The following BICDL1 variants were observed in gnomAD, a reference collection of about 807,000 sequenced individuals.
BICDL1 encodes the protein BICD family like cargo adaptor 1.
BICDL1 carries 20 observed loss-of-function variants against 76.8 expected under a neutral mutation model. The ratio of observed to expected loss-of-function variants is 0.26; its 90% CI spans 0.18 to 0.38. The LOEUF (loss-of-function observed/expected upper bound fraction) is 0.38, where lower values mean the gene tolerates loss of function less well. BICDL1 is among the 10% of genes least tolerant of loss of function. The pLI, the probability that BICDL1 is intolerant of heterozygous loss-of-function variation, is 1.00. For missense variants in BICDL1, 700 were observed against 798.6 expected (o/e 0.88, Z 1.49); for synonymous variants, 383 against 337.1 (o/e 1.14, Z -1.49).
rs1278874013 is a variant in BICDL1 at position 119,989,487 on chromosome 12, G to A, written c.-382G>A. Reference sequence around the variant, plus strand: ...GGCAGCAGCAGCAGCAGCGGCAGCGGCAACAGGGCGGCTGAGAACCCGGCG... The same window carrying A: ...GGCAGCAGCAGCAGCAGCGGCAGCGACAACAGGGCGGCTGAGAACCCGGCG... On this transcript the variant is annotated 5_prime_UTR_variant, in exon 1 of 10. Transcript: ENST00000548673. Among the ~76,000 whole-genome samples, 1 of 150,534 alleles carries A rather than the reference G, an allele frequency of 6.6e-6. No individual in the cohort carries two copies. Among genetic ancestry groups the A allele is most frequent in the Non-Finnish European group, 1.5e-5 (1 of 67,352 alleles).
rs369797977 is a variant in BICDL1, at chr12:120,017,110, A to G, written c.645+18374A>G. ...ACAGGGTTTCACTGTGTTAGCCAGG[A>G]TGGTCTAGATCTCCTGACCTTGTGA... On this transcript the variant is annotated intron_variant, in intron 2 of 9. Coordinates refer to ENST00000548673, the MANE Select transcript of BICDL1 (RefSeq NM_001367886.1). Among the ~76,000 whole-genome samples the G allele has an allele frequency of 3.6e-4, 55 of 152,202 alleles. 1 individual carries two copies. The South Asian group carries it at 0.011, about 30-fold the overall frequency.
rs113688527 is a variant in BICDL1 at position 120,047,490 on chromosome 12, C to T, written c.646-14220C>T. Among the ~76,000 whole-genome samples, 145 of 152,254 alleles carry T rather than the reference C, an allele frequency of 9.5e-4. 1 individual carries two copies. Among genetic ancestry groups the T allele is most frequent in the African/African-American group, 3.4e-3 (141 of 41,542 alleles). ...TCACCTGCAAAATTAGGGTTTTGAACCAGATTATCTCTGAAGTTTCAACTC... is the reference window on the plus strand; with the variant it reads ...TCACCTGCAAAATTAGGGTTTTGAATCAGATTATCTCTGAAGTTTCAACTC... On this transcript the variant is annotated intron_variant, in intron 2 of 9. Coordinates refer to ENST00000548673, the MANE Select transcript of BICDL1 (RefSeq NM_001367886.1).
chr12:120,093,189 G>A lies in BICDL1; in HGVS notation c.*28G>A. On this transcript the variant is annotated 3_prime_UTR_variant, in exon 10 of 10. Transcript: ENST00000548673. Reference sequence around the variant, plus strand: ...TGGGAGGAGTCAGGCCACCAAAGATGGGTGGACTGGAGGCAGCTGGAAAGG... The same window carrying A: ...TGGGAGGAGTCAGGCCACCAAAGATAGGTGGACTGGAGGCAGCTGGAAAGG... 2 of 1,561,718 alleles carry A rather than the reference G, an allele frequency of 1.3e-6. No homozygotes were observed. Among genetic ancestry groups the A allele is most frequent in the Non-Finnish European group, 1.7e-6 (2 of 1,152,258 alleles).
At chr12:120,029,423 A>G (rs1952375998) in intron 2 of BICDL1, among the ~76,000 whole-genome samples, 2 of 152,178 alleles carry the variant, frequency 1.3e-5, no homozygotes, top group South Asian at 2.1e-4. Context: ...GTTGCCATTC[A>G]TGGACCCCGA....
chr12:119,998,538 A>G lies in BICDL1; in HGVS notation c.447A>G (p.Lys149=). Residue 149 remains lysine (K), a synonymous_variant, in exon 2 of 10, where the codon AAA becomes AAG. Transcript: ENST00000548673. ...TDKLEHLEQE[K]HELRRRFENR... is the part of the protein sequence containing the mutation. ...TCACCCAGCACTTAGAGCAAGAGAA[A>G]CATGAATTGAGAAGACGATTTGAGA... 1.2e-6 allele frequency: 2 copies of G among 1,608,682 alleles called. No homozygotes were observed. Among genetic ancestry groups the G allele is most frequent in the Non-Finnish European group, 1.7e-6 (2 of 1,177,546 alleles).
chr12:120,009,320 G>A (rs1804561721), intron 2 of BICDL1, among the ~76,000 whole-genome samples: 1 of 152,134 alleles, frequency 6.6e-6, no homozygotes, highest in Non-Finnish European at 1.5e-5. Context: ...AGAGAGCCAT[G>A]CCTGATTCAA....
intron 2 of BICDL1, chr12:120,000,631 C>T (rs1315427833): frequency 1.3e-5 from 2 of 151,962 alleles, no homozygotes; most frequent in African/African-American, 2.4e-5. Context: ...GTTCATGTTA[C>T]AAAATAACAT....
At chr12:120,063,824 G>T (rs1279932644) in intron 3 of BICDL1, among the ~76,000 whole-genome samples, 1 of 152,100 alleles carries the variant, frequency 6.6e-6, no homozygotes, top group Non-Finnish European at 1.5e-5. Context: ...CCTGAGCCAG[G>T]GTGGTGATCT....
At chr12:120,022,884 G>A (rs1952212181) in intron 2 of BICDL1, among the ~76,000 whole-genome samples, 1 of 152,210 alleles carries the variant, frequency 6.6e-6, no homozygotes, top group African/African-American at 2.4e-5. Context: ...CCATTCATAG[G>A]AGGGAGTAGC....
At chr12:120,048,935 G>A (rs986795664) in intron 2 of BICDL1, among the ~76,000 whole-genome samples, 2 of 152,072 alleles carry the variant, frequency 1.3e-5, no homozygotes, top group Non-Finnish European at 2.9e-5. Flanking sequence ...CTCAAGGACA[G>A]TTTGTTTCAG....
chr12:120,036,123 A>G lies in BICDL1; in HGVS notation c.646-25587A>G, dbSNP rs115490412. 8.0e-3 allele frequency among the ~76,000 whole-genome samples: 1,212 copies of G among 152,352 alleles called. 15 individuals carry two copies. Among genetic ancestry groups the G allele is most frequent in the African/African-American group, 0.027 (1,105 of 41,572 alleles). ...GATGGTTTATAGGTTTTAGCTATTA[A>G]CAAATAATGCTGCTATAAACAGTCT... On this transcript the variant is annotated intron_variant, in intron 2 of 9. Transcript: ENST00000548673.
intron 9 of BICDL1, chr12:120,092,552 A>T: frequency 1.0e-6 from 1 of 985,452 alleles, no homozygotes; most frequent in Non-Finnish European, 1.2e-6. Flanking sequence ...AGGCCAGGCC[A>T]TTGGGCTGGG....
At chr12:120,014,689 CAAA>C (rs1037186627) in intron 2 of BICDL1, among the ~76,000 whole-genome samples, 1 of 126,200 alleles carries the variant, frequency 7.9e-6, no homozygotes, top group African/African-American at 2.9e-5. Context: ...GACTCCATCT[CAAA>C]AAAAAAAAAA....
At chr12:120,059,092 T>A (rs1274708620) in intron 2 of BICDL1, among the ~76,000 whole-genome samples, 1 of 151,382 alleles carries the variant, frequency 6.6e-6, no homozygotes, top group Non-Finnish European at 1.5e-5. Context: ...TTTTTATTAA[T>A]TTTTTTTAAT....
intron 6 of BICDL1, 31 bp downstream of exon 6, chr12:120,072,760 C>T: frequency 6.3e-7 from 1 of 1,587,332 alleles, no homozygotes; most frequent in East Asian, 2.2e-5. Flanking sequence ...GGTCCTTACC[C>T]CACAGGAGCT....
chr12:120,042,104 G>T (rs1478234278), intron 2 of BICDL1, among the ~76,000 whole-genome samples: 1 of 152,074 alleles, frequency 6.6e-6, no homozygotes, highest in Admixed American at 6.6e-5. Flanking sequence ...ATGCTGGCTG[G>T]GACTAGGATG....
rs535638475 is a variant in BICDL1, at chr12:120,081,140, T to A, written c.1583+123T>A. ...CAAAGGTAAAAGTTAGTTTCCCCGC[T>A]ACCCACCCCCACCCCCACCCCCACC... On this transcript the variant is annotated intron_variant, in intron 8 of 9. Transcript: ENST00000548673. 2,428 of 903,496 alleles carry A rather than the reference T, an allele frequency of 2.7e-3. 9 individuals are homozygous for A. The highest frequency in any genetic ancestry group is 0.019 in the Middle Eastern group (51 of 2,706). The allele number at this position is 903,496 out of a possible 1,614,324, so 56.0% of individuals were successfully genotyped here. A position where few individuals can be genotyped will look rare whatever the true frequency, so the allele number is the denominator to read the frequency against.
intron 3 of BICDL1, among the ~76,000 whole-genome samples, chr12:120,062,702 T>G (rs1037439860): frequency 5.3e-5 from 8 of 152,210 alleles, no homozygotes; most frequent in African/African-American, 1.9e-4. Flanking sequence ...TCCTGCCTCC[T>G]ATTCCCTTCC....
intron 6 of BICDL1, among the ~76,000 whole-genome samples, chr12:120,073,514 T>C (rs1873274662): frequency 6.6e-6 from 1 of 152,160 alleles, no homozygotes; most frequent in Admixed American, 6.5e-5. Context: ...TAAGGGCCTT[T>C]TAGAATCCTA....
Sources: gnomAD v4.1 joint callset for allele counts (sites outside exome capture counted in the v4.1 genomes callset) on GRCh38, gnomAD v4.1.1 for gene constraint, MANE v1.5 for transcripts, NCBI Gene and HGNC (gene_info 2026-07-23, HGNC 2026-07-21) for gene names.